The following CDKN3 variants were observed in gnomAD, a reference collection of about 807,000 sequenced individuals.
The protein encoded by CDKN3 is cyclin-dependent kinase inhibitor 3.
Under a neutral mutation model 36.1 loss-of-function variants are expected in CDKN3, and 19 were observed. That is an observed-to-expected ratio of 0.53 (90% CI 0.37 to 0.77). The LOEUF (loss-of-function observed/expected upper bound fraction) is 0.77. CDKN3 is among the 30% of genes least tolerant of loss of function. CDKN3 has a pLI of 0.00. For synonymous variants in CDKN3, 71 were observed against 85.3 expected, an observed-to-expected ratio of 0.83 and a Z score of 0.92; for missense variants, 188 against 248.6, an observed-to-expected ratio of 0.76 and a Z score of 1.64.
intron 4 of CDKN3, among the ~76,000 whole-genome samples, chr14:54,409,554 C>A (rs1215659373): frequency 1.3e-5 from 2 of 152,130 alleles, no homozygotes; most frequent in African/African-American, 4.8e-5. Flanking sequence ...TATTCCTGGT[C>A]AGGTGCAGTG....
Position 54,397,039 on chromosome 14 carries a change from G to A in CDKN3, c.-30G>A, listed in dbSNP as rs750303171. 2.0e-6 allele frequency: 3 copies of A among 1,485,818 alleles called. No homozygotes were observed. Among genetic ancestry groups the A allele is most frequent in the African/African-American group, 1.4e-5 (1 of 69,278 alleles). 92.0% of individuals were successfully genotyped at this position (1,485,818 alleles called of 1,614,324 possible). ...AGTCGCCGGCGCTGCAGAGGGAGGC[G>A]GCACTGGTCTCGACGTGGGGCGGCC... On this transcript the variant is annotated 5_prime_UTR_variant, in exon 1 of 8. Transcript: ENST00000335183.
intron 6 of CDKN3, among the ~76,000 whole-genome samples, chr14:54,417,543 T>C (rs2030591118): frequency 6.6e-6 from 1 of 152,240 alleles, no homozygotes; most frequent in Non-Finnish European, 1.5e-5. Flanking sequence ...TCTGAGGTGA[T>C]GAAGTGCTTT....
intron 3 of CDKN3, among the ~76,000 whole-genome samples, chr14:54,402,921 G>T (rs1487055955): frequency 6.6e-6 from 1 of 152,098 alleles, no homozygotes; most frequent in Non-Finnish European, 1.5e-5. Flanking sequence ...ATCTGTTTTG[G>T]CATGTGTACC....
chr14:54,411,220 G>T, intron 4 of CDKN3: 11 of 367,776 alleles, frequency 3.0e-5, no homozygotes, highest in East Asian at 5.1e-5. Flanking sequence ...TTTTAAAGCA[G>T]TATTCATTGC....
intron 7 of CDKN3, 150 bp downstream of exon 7, chr14:54,418,101 A>C: frequency 1.4e-6 from 1 of 691,420 alleles, no homozygotes; most frequent in South Asian, 1.6e-5. Flanking sequence ...CCACTTGCTT[A>C]TGCTTTTAGT....
rs1317348972 is a variant in CDKN3, at chr14:54,410,387, A to G, written c.194-1097A>G. ...TCATGAGAAGGTACTTTGTACTTAAATAGCTACATGTCCTTGGATTTAAGG... is the reference window on the plus strand; with the variant it reads ...TCATGAGAAGGTACTTTGTACTTAAGTAGCTACATGTCCTTGGATTTAAGG... On this transcript the variant is annotated intron_variant, in intron 4 of 7. Transcript: ENST00000335183. Among the ~76,000 whole-genome samples, 3 of 152,218 alleles carry G rather than the reference A, an allele frequency of 2.0e-5. No homozygotes were observed. In the East Asian group the frequency reaches 5.8e-4, roughly 29 times the overall value.
intron 5 of CDKN3, among the ~76,000 whole-genome samples, chr14:54,415,212 C>T (rs1224577595): frequency 1.3e-5 from 2 of 152,222 alleles, no homozygotes; most frequent in African/African-American, 2.4e-5. Context: ...AATTTCTTTA[C>T]AGTGCTAGAT....
intron 3 of CDKN3, among the ~76,000 whole-genome samples, chr14:54,406,438 CA>C (rs1279413234): frequency 2.6e-5 from 4 of 152,108 alleles, no homozygotes; most frequent in African/African-American, 9.7e-5. Context: ...GTGTGTTTTC[CA>C]ACTTGGTTCC....
chr14:54,398,527 C>A (rs1886383890), intron 1 of CDKN3, among the ~76,000 whole-genome samples: 1 of 152,216 alleles, frequency 6.6e-6, no homozygotes. Context: ...GAACAAGGGG[C>A]AAGCCCACGT....
At chr14:54,402,009 A>C (rs1335835429) in intron 3 of CDKN3, among the ~76,000 whole-genome samples, 1 of 152,086 alleles carries the variant, frequency 6.6e-6, no homozygotes, top group African/African-American at 2.4e-5. Context: ...GAAGATAGAG[A>C]CTATCCTGGA....
intron 3 of CDKN3, 41 bp from the exon 4 acceptor site, chr14:54,408,704 C>A: frequency 6.4e-7 from 1 of 1,552,184 alleles, no homozygotes; most frequent in Non-Finnish European, 8.7e-7. Context: ...TTACATATGA[C>A]GAAAAACTGA....
chr14:54,397,332 GGGGT>G (rs1886336687), intron 1 of CDKN3, among the ~76,000 whole-genome samples: 1 of 152,260 alleles, frequency 6.6e-6, no homozygotes. Context: ...TGTCCCCTGC[GGGGT>G]CTCATAAGCC....
In CDKN3 at chr14:54,413,711, G is replaced by A. The variant is rs962902387; in HGVS notation, c.416+2005G>A. On this transcript the variant is annotated intron_variant, in intron 5 of 7. Transcript: ENST00000335183. ...TATAGAGCTTATCCTTCAGCAACAG[G>A]ATCTGGTAAACCTTTTTCACTGACC... 11 of 1,533,408 alleles carry A rather than the reference G, an allele frequency of 7.2e-6. No homozygotes were observed. In the Admixed American group the frequency reaches 9.9e-5, roughly 14 times the overall value. 95.0% of individuals were successfully genotyped at this position (1,533,408 alleles called of 1,614,324 possible).
chr14:54,404,614 G>A (rs993986433), intron 3 of CDKN3, among the ~76,000 whole-genome samples: 6 of 151,040 alleles, frequency 4.0e-5, no homozygotes, highest in East Asian at 1.9e-4. Flanking sequence ...TCACTCTGTC[G>A]CCCAGGCTAC....
At chr14:54,401,399 T>A in intron 2 of CDKN3, 125 bp from the exon 3 acceptor site, 6 of 585,056 alleles carry the variant, frequency 1.0e-5, no homozygotes, top group Non-Finnish European at 1.5e-5. Context: ...ATTCTTACTT[T>A]GTGACTACTG....
rs1396071569 is a variant in CDKN3, at chr14:54,418,466, TA to T, written c.552+516del. On this transcript the variant is annotated intron_variant, in intron 7 of 7. Coordinates refer to ENST00000335183, the MANE Select transcript of CDKN3 (RefSeq NM_005192.4). ...GATAACTGGGGACATCTTCCACATG[TA>T]CATTCCCCTAACACTTCAAAACACT... 6.9e-5 allele frequency: 40 copies of T among 578,430 alleles called. No homozygotes were observed. In the East Asian group the frequency reaches 1.2e-3, roughly 17 times the overall value. 35.8% of individuals were successfully genotyped at this position (578,430 alleles called of 1,614,324 possible). A position where few individuals can be genotyped will look rare whatever the true frequency, so the allele number is the denominator to read the frequency against.
intron 3 of CDKN3, among the ~76,000 whole-genome samples, chr14:54,404,234 C>T (rs1371334928): frequency 3.9e-5 from 6 of 152,066 alleles, no homozygotes; most frequent in East Asian, 3.8e-4. Context: ...GGTCTATTCA[C>T]GGATTCGACT....
At chr14:54,419,481 C>A (rs2030657212) in intron 7 of CDKN3, among the ~76,000 whole-genome samples, 1 of 152,166 alleles carries the variant, frequency 6.6e-6, no homozygotes, top group African/African-American at 2.4e-5. Flanking sequence ...TTTTGCTTAT[C>A]TGCTGAGATT....
chr14:54,406,645 G>C (rs1364445520), intron 3 of CDKN3, among the ~76,000 whole-genome samples: 3 of 151,688 alleles, frequency 2.0e-5, no homozygotes, highest in Non-Finnish European at 4.4e-5. Context: ...ATTGATACTT[G>C]TGTATGCATC....
Sources: gnomAD v4.1 joint callset for allele counts (sites outside exome capture counted in the v4.1 genomes callset) on GRCh38, gnomAD v4.1.1 for gene constraint, MANE v1.5 for transcripts, NCBI Gene and HGNC (gene_info 2026-07-23, HGNC 2026-07-21) for gene names.